RND3: variants seen among roughly 807,000 people sequenced by gnomAD.
RND3 encodes the protein Rho family GTPase 3.
In RND3, 8 loss-of-function variants were observed where a neutral mutation model predicts 26.5. The ratio of observed to expected loss-of-function variants is 0.30; its 90% CI spans 0.18 to 0.54. RND3 has a LOEUF of 0.54. Ranked by LOEUF, RND3 falls within the 20% of genes least tolerant of loss-of-function variation. The pLI is 0.94. For missense variants in RND3, 207 were observed against 302.8 expected, an observed-to-expected ratio of 0.68 and a Z score of 2.35; for synonymous variants, 113 against 113.0, an observed-to-expected ratio of 1.00 and a Z score of 0.00.
At chr2:150,485,010 C>T (rs935106178) in intron 3 of RND3, among the ~76,000 whole-genome samples, 3 of 152,120 alleles carry the variant, frequency 2.0e-5, no homozygotes, top group Admixed American at 6.5e-5. Flanking sequence ...GGAATCAGAG[C>T]CCATTAAGTA....
chr2:150,475,970 G>T (rs1410607019), intron 3 of RND3, among the ~76,000 whole-genome samples: 2 of 152,114 alleles, frequency 1.3e-5, no homozygotes, highest in Non-Finnish European at 2.9e-5. Flanking sequence ...AATTACATGA[G>T]GCCTATAGTT....
At chr2:150,475,780 C>T (rs960680717) in intron 3 of RND3, among the ~76,000 whole-genome samples, 2 of 152,150 alleles carry the variant, frequency 1.3e-5, no homozygotes, top group African/African-American at 2.4e-5. Flanking sequence ...AGGATCATGT[C>T]GCTTTTTTAC....
At chr2:150,477,467 A>T (rs1269454567) in intron 3 of RND3, among the ~76,000 whole-genome samples, 1 of 152,198 alleles carries the variant, frequency 6.6e-6, no homozygotes, top group African/African-American at 2.4e-5. Flanking sequence ...TGGTTTCAAC[A>T]TTCAGGCCAC....
At chr2:150,473,678 A>T (rs1686120172) in intron 4 of RND3, among the ~76,000 whole-genome samples, 1 of 152,186 alleles carries the variant, frequency 6.6e-6, no homozygotes, top group Non-Finnish European at 1.5e-5. Flanking sequence ...GTTTTATTGA[A>T]CTCTGTTTGT....
chr2:150,475,073 G>A, intron 3 of RND3, 89 bp from the exon 4 acceptor site: 2 of 748,494 alleles, frequency 2.7e-6, no homozygotes, highest in Non-Finnish European at 2.3e-6. Context: ...TAAGTCCTTT[G>A]ACTGTCACAT....
intron 3 of RND3, among the ~76,000 whole-genome samples, chr2:150,476,419 T>C (rs1368368568): frequency 6.6e-6 from 1 of 152,232 alleles, no homozygotes; most frequent in African/African-American, 2.4e-5. Context: ...TGGCATCTGC[T>C]ATGGAACCCC....
rs1405163966 is a variant in RND3 at position 150,486,866 on chromosome 2, C to T, written c.151-85G>A. 2.2e-6 allele frequency: 2 copies of T among 921,888 alleles called. No homozygotes were observed. Among genetic ancestry groups the T allele is most frequent in the African/African-American group, 3.2e-5 (2 of 61,604 alleles). 57.1% of individuals were successfully genotyped at this position (921,888 alleles called of 1,614,324 possible). On this transcript the variant is annotated intron_variant, in intron 2 of 5. Transcript: ENST00000263895. This position sits in a 1 kb window ranked among gnomAD's most constrained non-coding sequence, Gnocchi z 4.5. Reference sequence around the variant, plus strand: ...GCACGACACCCATTGAACACCCTTCCCCTCCCCGCTCCCCAGTTAAGAAAG... The same window carrying T: ...GCACGACACCCATTGAACACCCTTCTCCTCCCCGCTCCCCAGTTAAGAAAG...
At chr2:150,487,173 TTTA>T in intron 2 of RND3, 92 bp downstream of exon 2, 1 of 926,994 alleles carries the variant, frequency 1.1e-6, no homozygotes, top group Non-Finnish European at 1.5e-6. Context: ...TTTTTTTTTT[TTTA>T]AGGGAAAACG....
At chr2:150,470,444 C>T (rs1303554247) in intron 5 of RND3, among the ~76,000 whole-genome samples, 2 of 152,036 alleles carry the variant, frequency 1.3e-5, no homozygotes, top group Non-Finnish European at 2.9e-5. Context: ...CAGTCCAGAG[C>T]CCATCCCTAA....
chr2:150,476,826 G>A (rs1686175807), intron 3 of RND3, among the ~76,000 whole-genome samples: 1 of 152,174 alleles, frequency 6.6e-6, no homozygotes, highest in Admixed American at 6.5e-5. Flanking sequence ...TTGAACATTC[G>A]AAAGGCATCA....
At position 150,486,949 on chromosome 2, in the gene RND3, T is replaced by C; in HGVS notation, c.151-168A>G. On this transcript the variant is annotated intron_variant, in intron 2 of 5. Coordinates refer to ENST00000263895, the MANE Select transcript of RND3 (RefSeq NM_005168.5). The surrounding 1 kb of genome is among the most constrained non-coding windows in gnomAD (Gnocchi z 4.5). ...ACATGGACCCTTTCCGAAACCCCTG[T>C]CCTACTCCCCACTCACCCCACCCGG... The C allele has an allele frequency of 1.5e-6, 1 of 650,844 alleles. No homozygotes were observed. Among genetic ancestry groups the C allele is most frequent in the Non-Finnish European group, 2.8e-6 (1 of 359,876 alleles). The allele number at this position is 650,844 out of a possible 1,614,324, so 40.3% of individuals were successfully genotyped here.
chr2:150,475,240 G>C (rs1686145579), intron 3 of RND3: 2 of 316,090 alleles, frequency 6.3e-6, no homozygotes, highest in South Asian at 3.6e-5. Flanking sequence ...ATGGTTCAAA[G>C]ACTAGGGCCT....
chr2:150,487,255 C>T lies in RND3; in HGVS notation c.150+13G>A, dbSNP rs1189796923. On this transcript the variant is annotated intron_variant, in intron 2 of 5. Transcript: ENST00000263895. ...CCGACCCCCTCGTGGAAGCCGCGGC[C>T]GGCCACACTCACCTCGGGGAAGCAG... 6.4e-7 allele frequency: 1 copy of T among 1,566,734 alleles called. No homozygotes were observed. The highest frequency in any genetic ancestry group is 1.4e-5 in the African/African-American group (1 of 72,998).
chr2:150,470,281 G>T (rs1686065669), intron 5 of RND3, 43 bp from the exon 6 acceptor site: 1 of 1,589,108 alleles, frequency 6.3e-7, no homozygotes, highest in Non-Finnish European at 8.6e-7. Flanking sequence ...ATAAGACTTT[G>T]GGGGAAAGTT....
At chr2:150,473,064 C>T (rs987003186) in intron 4 of RND3, among the ~76,000 whole-genome samples, 41 of 144,072 alleles carry the variant, frequency 2.8e-4, no homozygotes, top group African/African-American at 1.0e-3. Flanking sequence ...CTCCCTCTCT[C>T]CCTCACTCCT....
In RND3 at chr2:150,468,521, A is replaced by T. The variant is rs1686027988; in HGVS notation, c.*1466T>A. On this transcript the variant is annotated 3_prime_UTR_variant, in exon 6 of 6. Coordinates refer to ENST00000263895, the MANE Select transcript of RND3 (RefSeq NM_005168.5). ...AGACAAGACAAAGTGCTTGTAAGAC[A>T]TAGAACTGAGTGTTGTAATTACCTT... 6.6e-6 allele frequency: 1 copy of T among 152,618 alleles called. No homozygotes were observed. The highest frequency in any genetic ancestry group is 2.1e-4 in the South Asian group (1 of 4,830). 9.5% of individuals were successfully genotyped at this position (152,618 alleles called of 1,614,324 possible).
chr2:150,472,919 CA>C (rs1686108871), intron 4 of RND3, among the ~76,000 whole-genome samples: 4 of 152,076 alleles, frequency 2.6e-5, no homozygotes, highest in Admixed American at 2.0e-4. Flanking sequence ...AACTCTAGTG[CA>C]AACTACACCA....
At chr2:150,477,244 CT>C (rs1207766907) in intron 3 of RND3, among the ~76,000 whole-genome samples, 1 of 152,094 alleles carries the variant, frequency 6.6e-6, no homozygotes, top group Non-Finnish European at 1.5e-5. Context: ...GACCTGGTAT[CT>C]TTAGAGAACT....
intron 3 of RND3, among the ~76,000 whole-genome samples, chr2:150,485,614 C>T (rs575593132): frequency 6.6e-6 from 1 of 152,162 alleles, no homozygotes; most frequent in Non-Finnish European, 1.5e-5. Context: ...GTGGGTCCTG[C>T]TTTTCCATAG....
Sources: allele counts gnomAD v4.1 joint callset (sites outside exome capture counted in the v4.1 genomes callset), GRCh38; gene constraint gnomAD v4.1.1; non-coding constraint Gnocchi (gnomAD v3.1); transcripts MANE v1.5; gene names NCBI Gene and HGNC (gene_info 2026-07-23, HGNC 2026-07-21).